CCDC174: variants seen among roughly 807,000 people sequenced by gnomAD.
The protein encoded by CCDC174 is coiled-coil domain containing 174, also known as coiled-coil domain-containing protein 174.
A neutral mutation model predicts 57.1 loss-of-function variants in CCDC174; 37 were observed. The ratio of observed to expected loss-of-function variants is 0.65; its 90% CI spans 0.50 to 0.85. The LOEUF (loss-of-function observed/expected upper bound fraction) is 0.85, where lower values mean the gene tolerates loss of function less well. CCDC174 is among the 40% of genes least tolerant of loss of function. The pLI is 0.00. For missense variants in CCDC174, 540 were observed against 574.3 expected (o/e 0.94, Z 0.61); for synonymous variants, 182 against 190.2 (o/e 0.96, Z 0.35).
In CCDC174 at chr3:14,651,954, T is replaced by G. The variant is rs2030782311; in HGVS notation, c.42+76T>G. 2.7e-6 allele frequency: 4 copies of G among 1,457,382 alleles called. No homozygotes were observed. The South Asian group carries it at 3.5e-5, about 13-fold the overall frequency. 90.3% of individuals were successfully genotyped at this position (1,457,382 alleles called of 1,614,324 possible). A position where few individuals can be genotyped will look rare whatever the true frequency, so the allele number is the denominator to read the frequency against. On this transcript the variant is annotated intron_variant, in intron 1 of 10. Coordinates refer to ENST00000383794, the MANE Select transcript of CCDC174 (RefSeq NM_016474.5). ...CATCAGACAAGAATGTCGACCTAGC[T>G]TGTTTCTTCACTCGGGGACCCAGAG...
rs368667283 is a variant in CCDC174 at position 14,661,677 on chromosome 3, T to G, written c.455T>G (p.Ile152Ser). 811 of 1,613,898 alleles carry G rather than the reference T, an allele frequency of 5.0e-4. 14 individuals are homozygous for G. The South Asian group carries it at 8.3e-3, about 17-fold the overall frequency. Reference protein sequence around the residue: ...DDEENLPEGEIPPPQDPSEEW... With the variant: ...DDEENLPEGESPPPQDPSEEW... ...GAGGAAAACCTTCCTGAGGGAGAGA[T>G]CCCTCCTCCCCAAGACCCCAGTGAA... The change falls in exon 5 of 11, where the codon ATC (isoleucine) becomes AGC (serine). Residue 152 changes from isoleucine (I) to serine (S), a missense_variant. Coordinates refer to ENST00000383794, the MANE Select transcript of CCDC174 (RefSeq NM_016474.5).
intron 2 of CCDC174, among the ~76,000 whole-genome samples, chr3:14,655,238 G>A (rs1195423438): frequency 6.6e-6 from 1 of 152,028 alleles, no homozygotes; most frequent in Non-Finnish European, 1.5e-5. Flanking sequence ...TTGAGCCCAG[G>A]ATGTTGAGGC....
At position 14,671,270 on chromosome 3, in the gene CCDC174, A is replaced by G. The variant is rs2031501708; in HGVS notation, c.*76A>G. On this transcript the variant is annotated 3_prime_UTR_variant, in exon 11 of 11. Transcript: ENST00000383794. The stretch of plus-strand genomic sequence containing the variant: ...CCCAGAGGGAGAAATAACTTTAGGA[A>G]CTGAATTGTACCTTTGTCCTGTCCT... The G allele has an allele frequency of 1.6e-5, 22 of 1,394,844 alleles. No homozygotes were observed. The South Asian group carries it at 2.8e-4, about 18-fold the overall frequency. The allele number at this position is 1,394,844 out of a possible 1,614,324, so 86.4% of individuals were successfully genotyped here. A position where few individuals can be genotyped will look rare whatever the true frequency, so the allele number is the denominator to read the frequency against.
chr3:14,659,115 G>A (rs992559251), intron 4 of CCDC174, among the ~76,000 whole-genome samples, 186 bp downstream of exon 4: 1 of 152,186 alleles, frequency 6.6e-6, no homozygotes, highest in Non-Finnish European at 1.5e-5. Context: ...GTGCCTGGCA[G>A]CATGTTAGGT....
chr3:14,658,265 A>G (rs1464433660), intron 3 of CCDC174, among the ~76,000 whole-genome samples: 3 of 152,248 alleles, frequency 2.0e-5, no homozygotes, highest in Non-Finnish European at 4.4e-5. Context: ...GGTGTGCAAT[A>G]AGTACTTGGT....
At chr3:14,663,321 T>A (rs983470654) in intron 5 of CCDC174, among the ~76,000 whole-genome samples, 5 of 152,240 alleles carry the variant, frequency 3.3e-5, no homozygotes, top group African/African-American at 1.2e-4. Context: ...ATTTCTAATG[T>A]CTAAGTGATT....
chr3:14,664,239 A>G (rs1232402475), intron 5 of CCDC174, among the ~76,000 whole-genome samples: 1 of 152,238 alleles, frequency 6.6e-6, no homozygotes, highest in Non-Finnish European at 1.5e-5. Flanking sequence ...CTGACCTTGA[A>G]TTGGTCTGCC....
chr3:14,668,190 T>G lies in CCDC174; in HGVS notation c.952+9T>G. On this transcript the variant is annotated intron_variant, in intron 9 of 10. Coordinates refer to ENST00000383794, the MANE Select transcript of CCDC174 (RefSeq NM_016474.5). ...AGAAGAAGAAAATAGAGGTATATCA[T>G]GGCTATGTTGCTGAACTTCAAAAGG... The G allele has an allele frequency of 6.3e-7, 1 of 1,590,232 alleles. No homozygotes were observed. The highest frequency in any genetic ancestry group is 1.2e-5 in the South Asian group (1 of 86,352).
At chr3:14,668,668 G>T (rs2031419239) in intron 9 of CCDC174, among the ~76,000 whole-genome samples, 1 of 127,998 alleles carries the variant, frequency 7.8e-6, no homozygotes, top group East Asian at 2.3e-4. Context: ...GTTCCCCTTG[G>T]AAACACTGTT....
At position 14,654,410 on chromosome 3, in the gene CCDC174, A is replaced by T. The variant is rs2030879285; in HGVS notation, c.43-16A>T. On this transcript the variant is annotated splice_polypyrimidine_tract_variant and intron_variant, in intron 1 of 10. Coordinates refer to ENST00000383794, the MANE Select transcript of CCDC174 (RefSeq NM_016474.5). ...AGGAATTTAATATTTTTGTTTACTT[A>T]CTGCTTTCATTCTAGTTGGTAGATC... 2.9e-6 allele frequency: 4 copies of T among 1,365,464 alleles called. No individual in the cohort carries two copies. Among genetic ancestry groups the T allele is most frequent in the Non-Finnish European group, 4.1e-6 (4 of 968,406 alleles). The allele number at this position is 1,365,464 out of a possible 1,614,324, so 84.6% of individuals were successfully genotyped here. A position where few individuals can be genotyped will look rare whatever the true frequency, so the allele number is the denominator to read the frequency against.
Position 14,651,771 on chromosome 3 carries a change from G to A in CCDC174, c.-66G>A. 10 of 1,543,494 alleles carry A rather than the reference G, an allele frequency of 6.5e-6. No homozygotes were observed. The highest frequency in any genetic ancestry group is 1.1e-5 in the South Asian group (1 of 89,388). On this transcript the variant is annotated 5_prime_UTR_variant, in exon 1 of 11. Coordinates refer to ENST00000383794, the MANE Select transcript of CCDC174 (RefSeq NM_016474.5). ...GAAGACACTTCCGGTTGCGACGGAG[G>A]TAGGCTTACGAGGCCTGTGTCGGGT...
chr3:14,667,353 G>A, intron 7 of CCDC174, 71 bp from the exon 8 acceptor site: 1 of 1,135,750 alleles, frequency 8.8e-7, no homozygotes. Flanking sequence ...TGCTTTGGTA[G>A]GAAATGTGGC....
At chr3:14,652,814 A>AT (rs2030820247) in intron 1 of CCDC174, among the ~76,000 whole-genome samples, 4 of 150,126 alleles carry the variant, frequency 2.7e-5, no homozygotes, top group African/African-American at 9.8e-5. Context: ...AGGCAGGAGA[A>AT]TCGCTTGAAC....
chr3:14,655,689 G>A lies in CCDC174; in HGVS notation c.248+60G>A, dbSNP rs954707271. ...TTGAGGCTACCCAGGCAGAGAAATG[G>A]AAGTTCAAATTTTGTCCTTTTTGAT... On this transcript the variant is annotated intron_variant, in intron 3 of 10. Transcript: ENST00000383794. The A allele has an allele frequency of 2.7e-6, 3 of 1,116,882 alleles. No homozygotes were observed. The African/African-American group carries it at 4.8e-5, about 18-fold the overall frequency. The allele number at this position is 1,116,882 out of a possible 1,614,324, so 69.2% of individuals were successfully genotyped here.
intron 8 of CCDC174, 21 bp from the exon 9 acceptor site, chr3:14,668,028 A>G (rs756743745): frequency 6.4e-6 from 10 of 1,550,780 alleles, no homozygotes; most frequent in Non-Finnish European, 7.8e-6. Flanking sequence ...CAAGCAAATA[A>G]TTTTCTGATT....
At chr3:14,653,329 C>T (rs888490645) in intron 1 of CCDC174, among the ~76,000 whole-genome samples, 2 of 152,138 alleles carry the variant, frequency 1.3e-5, no homozygotes, top group East Asian at 1.9e-4. Context: ...GTTAAGTAAG[C>T]TTAGAAGAAA....
intron 5 of CCDC174, among the ~76,000 whole-genome samples, chr3:14,663,203 C>G (rs2124841472): frequency 6.6e-6 from 1 of 152,046 alleles, no homozygotes; most frequent in Non-Finnish European, 1.5e-5. Context: ...AACAAGGTCT[C>G]ACTATGTTGC....
chr3:14,661,808 TC>T, intron 5 of CCDC174, 101 bp downstream of exon 5: 1 of 1,039,320 alleles, frequency 9.6e-7, no homozygotes, highest in Non-Finnish European at 1.4e-6. Flanking sequence ...TTCTCTTTAT[TC>T]TTCCTGGGTG....
At chr3:14,668,219 A>C in intron 9 of CCDC174, 38 bp downstream of exon 9, 1 of 1,553,586 alleles carries the variant, frequency 6.4e-7, no homozygotes, top group South Asian at 1.2e-5. Flanking sequence ...CAAAAGGGAA[A>C]ATTTTATTTC....
Sources: allele counts gnomAD v4.1 joint callset (sites outside exome capture counted in the v4.1 genomes callset), GRCh38; gene constraint gnomAD v4.1.1; transcripts MANE v1.5; gene names NCBI Gene and HGNC (gene_info 2026-07-23, HGNC 2026-07-21).